The following RNFT2 variants were observed in gnomAD, a reference collection of about 807,000 sequenced individuals.
RNFT2 encodes ring finger protein, transmembrane 2.
In RNFT2, 36 loss-of-function variants were observed where a neutral mutation model predicts 53.0. The observed-to-expected ratio is 0.68, with a 90% CI of 0.52 to 0.90. The LOEUF (loss-of-function observed/expected upper bound fraction) is 0.90, where lower values mean the gene tolerates loss of function less well. Among genes scored for constraint, RNFT2 ranks in the 40% least tolerant of loss-of-function variants. The probability of loss-of-function intolerance (pLI) is 0.00; values close to 1 mark genes in which losing one functional copy is unlikely to be tolerated. For missense variants in RNFT2, 514 were observed against 585.6 expected, an observed-to-expected ratio of 0.88 and a Z score of 1.26; for synonymous variants, 260 against 253.2, an observed-to-expected ratio of 1.03 and a Z score of -0.26.
chr12:116,832,141 AAAAAAAAATATATATAT>A (rs1876690961), intron 7 of RNFT2, among the ~76,000 whole-genome samples: 1 of 82,470 alleles, frequency 1.2e-5, no homozygotes, highest in Non-Finnish European at 2.6e-5. Flanking sequence ...AAAAAAAAAA[AAAAAAAAATATATATAT>A]ATATATATAT....
intron 7 of RNFT2, among the ~76,000 whole-genome samples, chr12:116,821,067 C>T (rs926564660): frequency 3.3e-5 from 5 of 152,098 alleles, no homozygotes; most frequent in African/African-American, 4.8e-5. Flanking sequence ...CCGTTCCTGG[C>T]CCCTGGTAAG....
intron 7 of RNFT2, among the ~76,000 whole-genome samples, chr12:116,809,585 G>T (rs532620166): frequency 1.3e-5 from 2 of 152,178 alleles, no homozygotes; most frequent in Non-Finnish European, 2.9e-5. Flanking sequence ...GTCAGTTCCC[G>T]ATTCAGACAT....
chr12:116,800,863 A>AAAATAAAATAAAATAAATAAATAAAATAT (rs34964792), intron 7 of RNFT2, among the ~76,000 whole-genome samples: 6 of 42,656 alleles, frequency 1.4e-4, no homozygotes, highest in African/African-American at 2.5e-4. Flanking sequence ...TAAAATAAAA[A>AAAATAAAATAAAATAAATAAATAAAATAT]CCATTTAACA....
rs1876940765 is a variant in RNFT2, at chr12:116,835,963, T to G, written c.1036T>G (p.Phe346Val). 1 of 1,614,006 alleles carries G rather than the reference T, an allele frequency of 6.2e-7. No homozygotes were observed. Among genetic ancestry groups the G allele is most frequent in the Non-Finnish European group, 8.5e-7 (1 of 1,179,890 alleles). Residue 346 changes from phenylalanine (F) to valine (V), a missense_variant, in exon 9 of 11, where the codon TTC becomes GTC. Transcript: ENST00000257575. ...LIVLYSLCKS[F>V]DICGRVGGVR... ...CACCACCCTGCTCTCCTTTCAGTCC[T>G]TCGACATCTGTGGACGTGTGGGCGG...
At position 116,809,072 on chromosome 12, in the gene RNFT2, T is replaced by C. The variant is rs1875232281; in HGVS notation, c.883-24720T>C. Among the ~76,000 whole-genome samples the C allele has an allele frequency of 3.3e-5, 5 of 152,128 alleles. No individual in the cohort carries two copies. The South Asian group carries it at 1.0e-3, about 32-fold the overall frequency. ...AGCCATGGCTTTTTTGGTGCCCCTC[T>C]CCCCTGCCTATCGCTGGTAATCCTG... On this transcript the variant is annotated intron_variant, in intron 7 of 10. Coordinates refer to ENST00000257575, the MANE Select transcript of RNFT2 (RefSeq NM_001382266.1).
intron 5 of RNFT2, among the ~76,000 whole-genome samples, chr12:116,766,290 T>A (rs1217336911): frequency 6.6e-6 from 1 of 152,106 alleles, no homozygotes; most frequent in Non-Finnish European, 1.5e-5. Flanking sequence ...ATAAAAAATT[T>A]GATTTAATCT....
intron 7 of RNFT2, among the ~76,000 whole-genome samples, chr12:116,790,619 T>G (rs1311226301): frequency 6.6e-6 from 1 of 152,240 alleles, no homozygotes; most frequent in Admixed American, 6.5e-5. Context: ...TGCTGTTGTC[T>G]TGATTTTTTG....
chr12:116,794,600 A>T (rs182062360), intron 7 of RNFT2, among the ~76,000 whole-genome samples: 2 of 144,426 alleles, frequency 1.4e-5, no homozygotes, highest in Non-Finnish European at 3.0e-5. Flanking sequence ...TTTGTCTCAA[A>T]AAACAAAAGA....
At chr12:116,814,179 C>T (rs1875523492) in intron 7 of RNFT2, among the ~76,000 whole-genome samples, 1 of 152,208 alleles carries the variant, frequency 6.6e-6, no homozygotes, top group Non-Finnish European at 1.5e-5. Context: ...CTGTCCTAGG[C>T]ACTTTCCATT....
In RNFT2 at chr12:116,751,846, A is replaced by G. The variant is rs183651341; in HGVS notation, c.550+1539A>G. On this transcript the variant is annotated intron_variant, in intron 4 of 10. Coordinates refer to ENST00000257575, the MANE Select transcript of RNFT2 (RefSeq NM_001382266.1). ...CGATCTCAGCTCACTGCAAACCTCT[A>G]CCCACTGAGTTCAAGTGATTCTCAG... 2.0e-5 allele frequency among the ~76,000 whole-genome samples: 3 copies of G among 150,934 alleles called. No homozygotes were observed. The East Asian group carries it at 6.1e-4, about 30-fold the overall frequency.
chr12:116,807,602 C>T (rs1463682157), intron 7 of RNFT2, among the ~76,000 whole-genome samples: 1 of 152,072 alleles, frequency 6.6e-6, no homozygotes, highest in Non-Finnish European at 1.5e-5. Context: ...CGCACCATTC[C>T]CCACTCGCAC....
intron 10 of RNFT2, among the ~76,000 whole-genome samples, chr12:116,848,026 ATGT>A (rs968123819): frequency 6.6e-6 from 1 of 151,616 alleles, no homozygotes; most frequent in African/African-American, 2.4e-5. Context: ...AGGCCCCAGT[ATGT>A]TGTTCCCCTC....
At chr12:116,847,653 G>C (rs1420228588) in intron 10 of RNFT2, among the ~76,000 whole-genome samples, 2 of 151,468 alleles carry the variant, frequency 1.3e-5, no homozygotes, top group African/African-American at 4.9e-5. Context: ...TCAGCTTCCC[G>C]AGTAGCTGGG....
chr12:116,755,193 T>C (rs1872445953), intron 5 of RNFT2, among the ~76,000 whole-genome samples: 1 of 152,190 alleles, frequency 6.6e-6, no homozygotes, highest in Admixed American at 6.5e-5. Context: ...CCAGTTTCAC[T>C]CTCCTACATG....
Position 116,851,836 on chromosome 12 carries a change from C to A in RNFT2, c.*2388C>A. On this transcript the variant is annotated 3_prime_UTR_variant, in exon 11 of 11. Coordinates refer to ENST00000257575, the MANE Select transcript of RNFT2 (RefSeq NM_001382266.1). ...AGCTTTGGCCCAGATGTGGTTACCC[C>A]TTGGTCTCCTGTCTTTATGTCTTTC... 1 of 1,386,616 alleles carries A rather than the reference C, an allele frequency of 7.2e-7. No individual in the cohort carries two copies. Among genetic ancestry groups the A allele is most frequent in the Non-Finnish European group, 9.9e-7 (1 of 1,010,248 alleles). 85.9% of individuals were successfully genotyped at this position (1,386,616 alleles called of 1,614,324 possible).
At chr12:116,780,608 T>A (rs1318249629) in intron 7 of RNFT2, among the ~76,000 whole-genome samples, 2 of 150,812 alleles carry the variant, frequency 1.3e-5, no homozygotes, top group African/African-American at 4.9e-5. Flanking sequence ...GAGGTTTTCT[T>A]AGATGAAGCC....
intron 10 of RNFT2, among the ~76,000 whole-genome samples, chr12:116,837,544 G>A (rs921209256): frequency 1.3e-5 from 2 of 152,072 alleles, no homozygotes; most frequent in African/African-American, 4.8e-5. Flanking sequence ...TGTTATTGCT[G>A]TTTGGAGATT....
chr12:116,776,059 C>T (rs1313453013), intron 6 of RNFT2, among the ~76,000 whole-genome samples: 1 of 151,694 alleles, frequency 6.6e-6, no homozygotes. Context: ...CAAAAAAACT[C>T]GTAATTATTG....
chr12:116,833,727 C>A (rs1371325494), intron 7 of RNFT2, 65 bp from the exon 8 acceptor site: 22 of 1,566,520 alleles, frequency 1.4e-5, no homozygotes, highest in Middle Eastern at 1.8e-4. Context: ...GGGCGGGGGG[C>A]CCCCCAGCTG....
Sources: allele counts gnomAD v4.1 joint callset (sites outside exome capture counted in the v4.1 genomes callset), GRCh38; gene constraint gnomAD v4.1.1; transcripts MANE v1.5; gene names NCBI Gene and HGNC (gene_info 2026-07-23, HGNC 2026-07-21).